Variants in ZFP90 observed in about 807,000 individuals in gnomAD.
ZFP90 encodes the protein ZFP90 zinc finger protein.
In ZFP90, 38 loss-of-function variants were observed where a neutral mutation model predicts 60.8. The observed-to-expected ratio is 0.62, with a 90% CI of 0.48 to 0.82. ZFP90 has a LOEUF of 0.82. Ranked by LOEUF, ZFP90 falls within the 40% of genes least tolerant of loss-of-function variation. The pLI is 0.00. For synonymous variants in ZFP90, 287 were observed against 264.8 expected, an observed-to-expected ratio of 1.08 and a Z score of -0.82; for missense variants, 711 against 759.1, an observed-to-expected ratio of 0.94 and a Z score of 0.74.
chr16:68,553,042 A>T (rs971979385), intron 2 of ZFP90, among the ~76,000 whole-genome samples: 1 of 152,216 alleles, frequency 6.6e-6, no homozygotes, highest in Non-Finnish European at 1.5e-5. Flanking sequence ...ACAGAGCAAG[A>T]CCTTGTCTCA....
intron 2 of ZFP90, among the ~76,000 whole-genome samples, chr16:68,545,467 A>G (rs2091132401): frequency 6.6e-6 from 1 of 152,206 alleles, no homozygotes; most frequent in Non-Finnish European, 1.5e-5. Context: ...TGCACTGAAC[A>G]GTTTTTAAAA....
At chr16:68,554,470 A>T (rs1017955623) in intron 2 of ZFP90, among the ~76,000 whole-genome samples, 1 of 152,152 alleles carries the variant, frequency 6.6e-6, no homozygotes, top group Non-Finnish European at 1.5e-5. Flanking sequence ...ACATGATCAA[A>T]TTTGTGTTTT....
chr16:68,563,472 C>T lies in ZFP90; in HGVS notation c.685C>T (p.His229Tyr). ...TATTCATAGATCATCGCTTACTAAACATGAGAAAACACATAAAGGAGAGGG... is the reference window on the plus strand; with the variant it reads ...TATTCATAGATCATCGCTTACTAAATATGAGAAAACACATAAAGGAGAGGG... The part of the protein sequence containing the change: ...AFIHRSSLTK[H>Y]EKTHKGEGAF... The change falls in exon 5 of 5, where the codon CAT becomes TAT. Residue 229 changes from histidine (H) to tyrosine (Y), a missense_variant. Around this residue, in one of 5 missense-constraint regions of ZFP90, gnomAD observed 241 missense variants for 247.6 expected, o/e 0.97. Coordinates refer to ENST00000563169, the MANE Select transcript of ZFP90 (RefSeq NM_001305203.2). The T allele has an allele frequency of 6.2e-7, 1 of 1,614,122 alleles. No homozygotes were observed. The highest frequency in any genetic ancestry group is 2.2e-5 in the East Asian group (1 of 44,892).
At chr16:68,552,652 G>T (rs1020091492) in intron 2 of ZFP90, among the ~76,000 whole-genome samples, 1 of 152,146 alleles carries the variant, frequency 6.6e-6, no homozygotes, top group Admixed American at 6.5e-5. Flanking sequence ...GTGTCTGAGG[G>T]GAGGAGAAGC....
downstream of ZFP90, among the ~76,000 whole-genome samples, chr16:68,567,874 A>T (rs146903004): frequency 5.4e-4 from 82 of 152,312 alleles, no homozygotes; most frequent in African/African-American, 1.8e-3. Context: ...AGGCATATTG[A>T]TGGTGGTGAT....
At position 68,566,017 on chromosome 16, in the gene ZFP90, C is replaced by T. The variant is rs1164471171; in HGVS notation, c.*1319C>T. ...GGCATGGTGGCATGCAGTGGTAGTC[C>T]CAGCTACTCAGGAGGCTGAGGTGGG... On this transcript the variant is annotated 3_prime_UTR_variant, in exon 5 of 5. Transcript: ENST00000563169. 1.2e-6 allele frequency: 1 copy of T among 806,082 alleles called. No individual in the cohort carries two copies. The highest frequency in any genetic ancestry group is 1.3e-4 in the East Asian group (1 of 7,998). The allele number at this position is 806,082 out of a possible 1,614,324, so 49.9% of individuals were successfully genotyped here. A position where few individuals can be genotyped will look rare whatever the true frequency, so the allele number is the denominator to read the frequency against.
upstream of ZFP90, among the ~76,000 whole-genome samples, chr16:68,538,431 A>G (rs1005699479): frequency 2.0e-5 from 3 of 152,068 alleles, no homozygotes; most frequent in African/African-American, 7.2e-5. Context: ...TGTGTTGAAA[A>G]TTTCCATCGG....
intron 2 of ZFP90, among the ~76,000 whole-genome samples, chr16:68,545,701 G>C (rs1287014796): frequency 6.6e-6 from 1 of 152,184 alleles, no homozygotes; most frequent in African/African-American, 2.4e-5. Flanking sequence ...TGTAGTCCCA[G>C]CTACTCGGGA....
At chr16:68,537,270 C>A (rs146946177), upstream of ZFP90, among the ~76,000 whole-genome samples, 1 of 151,996 alleles carries the variant, frequency 6.6e-6, no homozygotes, top group Non-Finnish European at 1.5e-5. Flanking sequence ...TGAGTACAGG[C>A]GCACGCCACC....
intron 4 of ZFP90, among the ~76,000 whole-genome samples, chr16:68,558,822 T>G (rs2091389474): frequency 6.6e-6 from 1 of 152,164 alleles, no homozygotes; most frequent in Non-Finnish European, 1.5e-5. Flanking sequence ...AGAATTGAAC[T>G]CCCATATTTC....
In ZFP90 at chr16:68,564,478, A is replaced by G; in HGVS notation, c.1691A>G (p.Gln564Arg). The change falls in exon 5 of 5, where the codon CAA becomes CGA. Residue 564 changes from glutamine (Q) to arginine (R), a missense_variant. Around this residue, in one of 5 missense-constraint regions of ZFP90, gnomAD observed 295 missense variants for 274.0 expected, o/e 1.08. Transcript: ENST00000563169. ...ECIDCGKAFS[Q>R]SSSLIQHERT... ...ATTGACTGTGGGAAAGCCTTTAGTC[A>G]AAGTTCATCTCTCATTCAGCATGAG... 6.2e-7 allele frequency: 1 copy of G among 1,614,084 alleles called. No homozygotes were observed. Among genetic ancestry groups the G allele is most frequent in the Non-Finnish European group, 8.5e-7 (1 of 1,179,964 alleles).
intron 4 of ZFP90, among the ~76,000 whole-genome samples, chr16:68,561,114 C>T (rs182322148): frequency 4.5e-3 from 688 of 152,144 alleles, no homozygotes; most frequent in Non-Finnish European, 6.5e-3. Flanking sequence ...AGGCTGGTTG[C>T]GAACTCCTGA....
In ZFP90 at chr16:68,566,120, A is replaced by AAG; in HGVS notation, c.*1424_*1425dup. ...TGCATTCCAGCCTGAGCAACAGAGC[A>AAG]AGACACACACACATCAATTTATTTT... is the stretch of plus-strand genomic sequence containing the variant. On this transcript the variant is annotated 3_prime_UTR_variant, in exon 5 of 5. Coordinates refer to ENST00000563169, the MANE Select transcript of ZFP90 (RefSeq NM_001305203.2). The AAG allele has an allele frequency of 2.4e-6, 2 of 818,872 alleles. No homozygotes were observed. The highest frequency in any genetic ancestry group is 5.9e-5 in the South Asian group (1 of 16,834). The allele number at this position is 818,872 out of a possible 1,614,324, so 50.7% of individuals were successfully genotyped here.
upstream of ZFP90, among the ~76,000 whole-genome samples, chr16:68,538,489 G>T (rs1028554983): frequency 3.9e-5 from 6 of 152,102 alleles, no homozygotes; most frequent in African/African-American, 1.4e-4. Flanking sequence ...TTGGGAGGCC[G>T]AGGCGAGTTC....
chr16:68,540,631 C>T (rs1567392866), intron 2 of ZFP90, among the ~76,000 whole-genome samples: 1 of 151,846 alleles, frequency 6.6e-6, no homozygotes, highest in African/African-American at 2.4e-5. Flanking sequence ...GGGAAAATGA[C>T]AGATTGTAGT....
In ZFP90 at chr16:68,563,132, T is replaced by C; in HGVS notation, c.345T>C (p.Ala115=). 1 of 1,614,136 alleles carries C rather than the reference T, an allele frequency of 6.2e-7. No homozygotes were observed. Among genetic ancestry groups the C allele is most frequent in the Non-Finnish European group, 8.5e-7 (1 of 1,180,016 alleles). ...VSHCTHDLLH[A]TLEDSWDVSS... ...ACTGCACACATGATCTCTTACATGC[T>C]ACATTAGAAGACTCCTGGGATGTTA... Residue 115 remains alanine (A), a synonymous_variant, in exon 5 of 5, where the codon GCT becomes GCC. Coordinates refer to ENST00000563169, the MANE Select transcript of ZFP90 (RefSeq NM_001305203.2).
chr16:68,552,576 G>T (rs919355555), intron 2 of ZFP90, among the ~76,000 whole-genome samples: 1 of 152,106 alleles, frequency 6.6e-6, no homozygotes, highest in African/African-American at 2.4e-5. Flanking sequence ...TTGAAGTAAC[G>T]CTTGCCGAGG....
Position 68,564,466 on chromosome 16 carries a change from A to G in ZFP90, c.1679A>G (p.Lys560Arg). The G allele has an allele frequency of 6.2e-7, 1 of 1,614,074 alleles. No homozygotes were observed. Among genetic ancestry groups the G allele is most frequent in the Non-Finnish European group, 8.5e-7 (1 of 1,179,944 alleles). The change falls in exon 5 of 5, where the codon AAA becomes AGA. Residue 560 changes from lysine (K) to arginine (R), a missense_variant. By Grantham distance (26) the Lys-to-Arg change is conservative. Coordinates refer to ENST00000563169, the MANE Select transcript of ZFP90 (RefSeq NM_001305203.2). ...EKPYECIDCG[K>R]AFSQSSSLIQ... ...CCCTATGAATGTATTGACTGTGGGA[A>G]AGCCTTTAGTCAAAGTTCATCTCTC...
chr16:68,563,341 G>A lies in ZFP90; in HGVS notation c.554G>A (p.Cys185Tyr). The A allele has an allele frequency of 6.2e-7, 1 of 1,614,188 alleles. No homozygotes were observed. The highest frequency in any genetic ancestry group is 1.1e-5 in the South Asian group (1 of 91,082). The change falls in exon 5 of 5, where the codon TGT becomes TAT. Residue 185 changes from cysteine to tyrosine, a missense_variant. By Grantham distance (194) the Cys-to-Tyr change is radical. Around this residue, in one of 5 missense-constraint regions of ZFP90, gnomAD observed 241 missense variants for 247.6 expected, o/e 0.97. Coordinates refer to ENST00000563169, the MANE Select transcript of ZFP90 (RefSeq NM_001305203.2). ...CCTGCAAGAATAAGGCCTAGTGAAT[G>A]TGAGACCCTTGGAAGCAATTTGGGA... ...NIPARIRPSECETLGSNLGHN... is the reference protein window; with the variant it reads ...NIPARIRPSEYETLGSNLGHN...
Sources: allele counts gnomAD v4.1 joint callset (sites outside exome capture counted in the v4.1 genomes callset), GRCh38; gene constraint gnomAD v4.1.1; regional missense constraint gnomAD v4.1.1; transcripts MANE v1.5; gene names NCBI Gene and HGNC (gene_info 2026-07-23, HGNC 2026-07-21).